The following TSHZ2 variants were observed in gnomAD, a reference collection of about 807,000 sequenced individuals.
TSHZ2 encodes the protein teashirt zinc finger homeobox 2.
TSHZ2 carries 21 observed loss-of-function variants against 74.4 expected under a neutral mutation model. That is an observed-to-expected ratio of 0.28 (90% CI 0.20 to 0.41). The LOEUF (loss-of-function observed/expected upper bound fraction) is 0.41, where lower values mean the gene tolerates loss of function less well. TSHZ2 is among the 10% of genes least tolerant of loss of function. TSHZ2 has a pLI of 1.00. For missense variants in TSHZ2, 1,244 were observed against 1,293.5 expected (o/e 0.96, Z 0.59); for synonymous variants, 540 against 515.3 (o/e 1.05, Z -0.65).
At chr20:53,365,043 G>T (rs765658271) in intron 2 of TSHZ2, among the ~76,000 whole-genome samples, 1 of 152,220 alleles carries the variant, frequency 6.6e-6, no homozygotes, top group Non-Finnish European at 1.5e-5. Context: ...CAATGCAAGT[G>T]TGCAGAAACC....
intron 2 of TSHZ2, among the ~76,000 whole-genome samples, chr20:53,429,035 A>G (rs2145728928): frequency 6.6e-6 from 1 of 152,358 alleles, no homozygotes; most frequent in Non-Finnish European, 1.5e-5. Context: ...AGTTACTGCT[A>G]TTCAGAAATG....
At chr20:53,248,719 A>AT (rs1849065956) in intron 1 of TSHZ2, among the ~76,000 whole-genome samples, 1 of 152,350 alleles carries the variant, frequency 6.6e-6, no homozygotes, top group African/African-American at 2.4e-5. Flanking sequence ...CTTGTTGCTT[A>AT]TTTGCAGCCT....
chr20:53,233,157 C>T (rs1989867259), intron 1 of TSHZ2, among the ~76,000 whole-genome samples: 1 of 152,190 alleles, frequency 6.6e-6, no homozygotes, highest in Admixed American at 6.5e-5. Context: ...ACCCTAATTC[C>T]CAAGATGTTA....
chr20:53,075,907 C>T (rs1398198580), intron 1 of TSHZ2, among the ~76,000 whole-genome samples: 2 of 152,138 alleles, frequency 1.3e-5, no homozygotes, highest in East Asian at 3.9e-4. Context: ...GTGGCACATT[C>T]TCAACTGCAT....
chr20:53,158,439 A>G (rs1051817690), intron 1 of TSHZ2, among the ~76,000 whole-genome samples: 2 of 152,054 alleles, frequency 1.3e-5, no homozygotes, highest in African/African-American at 2.4e-5. Flanking sequence ...GGCAGTCGGT[A>G]GTGGCTGTGG....
chr20:53,346,455 A>G (rs1980442687), intron 2 of TSHZ2, among the ~76,000 whole-genome samples: 1 of 152,126 alleles, frequency 6.6e-6, no homozygotes, highest in African/African-American at 2.4e-5. Context: ...TGTCTGACCT[A>G]CTGATGGAAT....
intron 2 of TSHZ2, among the ~76,000 whole-genome samples, chr20:53,472,802 A>G (rs1600667784): frequency 6.6e-6 from 1 of 151,318 alleles, no homozygotes; most frequent in African/African-American, 2.4e-5. Context: ...GGGTGCGCGC[A>G]CCGTGCGCGA....
intron 1 of TSHZ2, among the ~76,000 whole-genome samples, chr20:53,015,820 G>T (rs1983019131): frequency 6.6e-6 from 1 of 152,144 alleles, no homozygotes; most frequent in Admixed American, 6.5e-5. Context: ...TGGGGGAAAG[G>T]GGTGTTTTTC....
chr20:53,224,576 G>A lies in TSHZ2; in HGVS notation c.41-28923G>A, dbSNP rs112429753. Among the ~76,000 whole-genome samples the A allele has an allele frequency of 4.3e-4, 66 of 152,316 alleles. 1 individual carries two copies. The highest frequency in any genetic ancestry group is 1.6e-3 in the African/African-American group (66 of 41,564). ...AAGAACTTAAGAAATGAGGCTGGGTGCGGTGACTCATGCCTGTAATCCCAG... is the reference window on the plus strand; with the variant it reads ...AAGAACTTAAGAAATGAGGCTGGGTACGGTGACTCATGCCTGTAATCCCAG... On this transcript the variant is annotated intron_variant, in intron 1 of 2. Coordinates refer to ENST00000371497, the MANE Select transcript of TSHZ2 (RefSeq NM_173485.6).
intron 1 of TSHZ2, among the ~76,000 whole-genome samples, chr20:53,027,399 T>C (rs1983484086): frequency 6.6e-6 from 1 of 152,134 alleles, no homozygotes; most frequent in African/African-American, 2.4e-5. Flanking sequence ...ACATGCACCT[T>C]ATGGTACTTT....
chr20:53,173,213 G>C (rs1440609204), intron 1 of TSHZ2, among the ~76,000 whole-genome samples: 1 of 152,158 alleles, frequency 6.6e-6, no homozygotes. Context: ...ATAAAATAAA[G>C]TAGATTAAAA....
At chr20:53,207,591 G>T (rs1397067042) in intron 1 of TSHZ2, among the ~76,000 whole-genome samples, 1 of 152,146 alleles carries the variant, frequency 6.6e-6, no homozygotes, top group Non-Finnish European at 1.5e-5. Context: ...TTAGAGATGA[G>T]CACCCTAAAT....
intron 2 of TSHZ2, among the ~76,000 whole-genome samples, chr20:53,268,521 C>A (rs907012318): frequency 6.6e-6 from 1 of 152,204 alleles, no homozygotes; most frequent in South Asian, 2.1e-4. Context: ...TAAGCATGTG[C>A]GGGATGGAAC....
At chr20:53,064,361 C>A (rs1984911137) in intron 1 of TSHZ2, among the ~76,000 whole-genome samples, 1 of 152,128 alleles carries the variant, frequency 6.6e-6, no homozygotes, top group African/African-American at 2.4e-5. Context: ...TGAAGCCAGG[C>A]CATTAAGCAA....
intron 1 of TSHZ2, among the ~76,000 whole-genome samples, chr20:53,106,707 GT>G (rs796905956): frequency 3.6e-5 from 4 of 110,216 alleles, no homozygotes; most frequent in Non-Finnish European, 3.9e-5. Flanking sequence ...ATTTTTTTTT[GT>G]TTTTTTTTTG....
At chr20:53,203,391 C>T (rs1989057375) in intron 1 of TSHZ2, among the ~76,000 whole-genome samples, 1 of 152,024 alleles carries the variant, frequency 6.6e-6, no homozygotes, top group African/African-American at 2.4e-5. Flanking sequence ...GATGGGGTTT[C>T]ACCATATTGG....
chr20:53,154,423 G>T (rs1364888306), intron 1 of TSHZ2, among the ~76,000 whole-genome samples: 11 of 152,078 alleles, frequency 7.2e-5, no homozygotes, highest in Non-Finnish European at 1.6e-4. Context: ...ATAAAATTAG[G>T]TCTCCCAGCT....
At chr20:53,304,724 C>T (rs541556315) in intron 2 of TSHZ2, among the ~76,000 whole-genome samples, 4 of 152,252 alleles carry the variant, frequency 2.6e-5, no homozygotes, top group Admixed American at 2.6e-4. Flanking sequence ...CTCTGCCTCC[C>T]GGGTTCAAGT....
intron 1 of TSHZ2, among the ~76,000 whole-genome samples, chr20:53,012,058 C>T (rs987507620): frequency 6.6e-6 from 1 of 152,072 alleles, no homozygotes; most frequent in Non-Finnish European, 1.5e-5. Context: ...GTTTCAAAGC[C>T]AGTGTTCTTG....
Sources: allele counts gnomAD v4.1 joint callset (sites outside exome capture counted in the v4.1 genomes callset), GRCh38; gene constraint gnomAD v4.1.1; transcripts MANE v1.5; gene names NCBI Gene and HGNC (gene_info 2026-07-23, HGNC 2026-07-21).